Variants in PTPRM observed in about 807,000 individuals in gnomAD.
PTPRM encodes the protein protein tyrosine phosphatase receptor type M, also known as receptor-type tyrosine-protein phosphatase mu.
In PTPRM, 47 loss-of-function variants were observed where a neutral mutation model predicts 186.7. That is an observed-to-expected ratio of 0.25 (90% CI 0.20 to 0.32). The LOEUF (loss-of-function observed/expected upper bound fraction) is 0.32. PTPRM is among the 10% of genes least tolerant of loss of function. The pLI is 1.00. For synonymous variants in PTPRM, 668 were observed against 674.9 expected, an observed-to-expected ratio of 0.99 and a Z score of 0.16; for missense variants, 1,494 against 1,865.0, an observed-to-expected ratio of 0.80 and a Z score of 3.66.
intron 14 of PTPRM, among the ~76,000 whole-genome samples, chr18:8,161,517 A>G (rs978968148): frequency 2.6e-5 from 4 of 152,064 alleles, no homozygotes; most frequent in Non-Finnish European, 5.9e-5. Context: ...CCCCTGAGGG[A>G]AGGGAGAAAT....
intron 1 of PTPRM, among the ~76,000 whole-genome samples, chr18:7,576,193 A>G (rs935482180): frequency 6.6e-6 from 1 of 152,220 alleles, no homozygotes; most frequent in African/African-American, 2.4e-5. Flanking sequence ...CAAAGCATTT[A>G]CTTTTTATGG....
chr18:8,330,333 C>CA, intron 22 of PTPRM, among the ~76,000 whole-genome samples: 1 of 152,298 alleles, frequency 6.6e-6, no homozygotes, highest in Non-Finnish European at 1.5e-5. Flanking sequence ...AAGGAAGCTG[C>CA]TGGAAATTTC....
At chr18:7,614,567 G>A (rs1359474979) in intron 1 of PTPRM, among the ~76,000 whole-genome samples, 3 of 152,166 alleles carry the variant, frequency 2.0e-5, no homozygotes, top group African/African-American at 7.2e-5. Context: ...TTTCTTTAGA[G>A]AAAATTGGAT....
chr18:7,849,425 G>T (rs1389078050), intron 2 of PTPRM, among the ~76,000 whole-genome samples: 1 of 152,174 alleles, frequency 6.6e-6, no homozygotes, highest in East Asian at 1.9e-4. Flanking sequence ...TTTTAGAGTT[G>T]TAGAGATAAA....
intron 13 of PTPRM, among the ~76,000 whole-genome samples, chr18:8,132,465 C>T (rs369654464): frequency 1.3e-5 from 2 of 152,252 alleles, no homozygotes; most frequent in East Asian, 1.9e-4. Context: ...ATGGTAGGAT[C>T]ATAGGACTGC....
At chr18:7,647,634 C>T (rs575374330) in intron 1 of PTPRM, among the ~76,000 whole-genome samples, 8 of 152,340 alleles carry the variant, frequency 5.3e-5, no homozygotes, top group Admixed American at 3.9e-4. Flanking sequence ...CCTGGTCATG[C>T]CCATAGCCAG....
At chr18:7,660,252 C>G (rs986818012) in intron 1 of PTPRM, among the ~76,000 whole-genome samples, 13 of 151,996 alleles carry the variant, frequency 8.6e-5, no homozygotes, top group Admixed American at 2.0e-4. Context: ...AGCAGAATCG[C>G]TTGAACCTTG....
chr18:8,384,223 T>C (rs113883875), intron 29 of PTPRM, among the ~76,000 whole-genome samples: 1,896 of 152,234 alleles, frequency 0.012, 36 homozygotes, highest in African/African-American at 0.044. Context: ...TTTGGGAGGC[T>C]GAGGCAGGAG....
intron 1 of PTPRM, among the ~76,000 whole-genome samples, chr18:7,601,495 C>G (rs750746856): frequency 6.6e-6 from 1 of 152,236 alleles, no homozygotes; most frequent in Non-Finnish European, 1.5e-5. Flanking sequence ...GGAGACACCC[C>G]GTTCCGGGCC....
chr18:8,379,424 T>TCAC (rs2148504116), intron 28 of PTPRM, 84 bp downstream of exon 28: 1 of 1,321,768 alleles, frequency 7.6e-7, no homozygotes, highest in South Asian at 1.8e-5. Flanking sequence ...CCCATTCTGC[T>TCAC]CACCAGCCCT....
chr18:7,981,733 T>C (rs1223865715), intron 7 of PTPRM, among the ~76,000 whole-genome samples: 2 of 152,156 alleles, frequency 1.3e-5, no homozygotes, highest in African/African-American at 4.8e-5. Flanking sequence ...ACTTACCCAA[T>C]CAGAGGTAGC....
Position 8,093,125 on chromosome 18 carries a change from T to C in PTPRM, c.1856+4274T>C, listed in dbSNP as rs1017223588. ...CAAGGTTATGAAGCATAAAGCATGTTTTTTTTTTTCTCAAGCAGCAGCAAC... is the reference window on the plus strand; with the variant it reads ...CAAGGTTATGAAGCATAAAGCATGTCTTTTTTTTTCTCAAGCAGCAGCAAC... On this transcript the variant is annotated intron_variant, in intron 11 of 32. Coordinates refer to ENST00000580170, the MANE Select transcript of PTPRM (RefSeq NM_001105244.2). 9.3e-5 allele frequency among the ~76,000 whole-genome samples: 14 copies of C among 150,964 alleles called. 1 individual carries two copies. Among genetic ancestry groups the C allele is most frequent in the Admixed American group, 4.0e-4 (6 of 15,148 alleles).
Position 8,172,216 on chromosome 18 carries a change from C to A in PTPRM, c.2300+28437C>A, listed in dbSNP as rs183142533. On this transcript the variant is annotated intron_variant, in intron 14 of 32. Coordinates refer to ENST00000580170, the MANE Select transcript of PTPRM (RefSeq NM_001105244.2). ...TTATGGCGGAAGGTGAGAAAGGTGG[C>A]AAAGATACAGATAAAGCACTGTTCC... Among the ~76,000 whole-genome samples, 3 of 150,138 alleles carry A rather than the reference C, an allele frequency of 2.0e-5. No individual in the cohort carries two copies. In the East Asian group the frequency reaches 5.8e-4, roughly 29 times the overall value.
At chr18:8,008,146 G>T (rs1043286905) in intron 7 of PTPRM, among the ~76,000 whole-genome samples, 19 of 152,118 alleles carry the variant, frequency 1.2e-4, no homozygotes, top group African/African-American at 4.6e-4. Flanking sequence ...ATTGGGTTGG[G>T]GTTAGTGCCT....
At chr18:8,394,968 A>G (rs543948952) in intron 32 of PTPRM, among the ~76,000 whole-genome samples, 2 of 152,336 alleles carry the variant, frequency 1.3e-5, no homozygotes, top group East Asian at 3.9e-4. Context: ...TTCAAATTAT[A>G]TATTTTATAA....
In PTPRM at chr18:8,240,499, GAGGAAGGAAGGAAGGA is replaced by G. The variant is rs1300777583; in HGVS notation, c.2301-3521_2301-3506del. On this transcript the variant is annotated intron_variant, in intron 14 of 32. Coordinates refer to ENST00000580170, the MANE Select transcript of PTPRM (RefSeq NM_001105244.2). The stretch of plus-strand genomic sequence containing the variant: ...GGAGGGGAGGAGAGAGAGAGAGAGA[GAGGAAGGAAGGAAGGA>G]AGGAAGGAAGGAAGGAAGGAAGGAA... 1.6e-3 allele frequency among the ~76,000 whole-genome samples: 22 copies of G among 13,550 alleles called. No homozygotes were observed. The South Asian group carries it at 0.069, about 43-fold the overall frequency. 8.9% of individuals were successfully genotyped at this position (13,550 alleles called of 152,430 possible).
intron 1 of PTPRM, among the ~76,000 whole-genome samples, chr18:7,570,439 G>C (rs1277570457): frequency 6.6e-6 from 1 of 152,152 alleles, no homozygotes; most frequent in Admixed American, 6.5e-5. Flanking sequence ...GTTTTCTTCT[G>C]ACTTTCTCAC....
chr18:8,289,403 T>C (rs1429830971), intron 19 of PTPRM, among the ~76,000 whole-genome samples: 1 of 143,824 alleles, frequency 7.0e-6, no homozygotes, highest in Non-Finnish European at 1.5e-5. Flanking sequence ...TGTGTGTATA[T>C]ATATATATAC....
intron 2 of PTPRM, among the ~76,000 whole-genome samples, chr18:7,830,003 A>G (rs1280811267): frequency 6.6e-6 from 1 of 152,176 alleles, no homozygotes; most frequent in Non-Finnish European, 1.5e-5. Context: ...GTTCTAATTA[A>G]CTTAGAGCCA....
Sources: gnomAD v4.1 joint callset for allele counts (sites outside exome capture counted in the v4.1 genomes callset) on GRCh38, gnomAD v4.1.1 for gene constraint, MANE v1.5 for transcripts, NCBI Gene and HGNC (gene_info 2026-07-23, HGNC 2026-07-21) for gene names.